The following NADSYN1 variants were observed in gnomAD, a reference collection of about 807,000 sequenced individuals.
NADSYN1 encodes glutamine-dependent NAD(+) synthetase.
NADSYN1 carries 80 observed loss-of-function variants against 99.3 expected under a neutral mutation model. The observed-to-expected ratio is 0.81, with a 90% CI of 0.67 to 0.97. NADSYN1 has a LOEUF of 0.97. Ranked by LOEUF, NADSYN1 falls within the 50% of genes least tolerant of loss-of-function variation. The pLI, the probability that NADSYN1 is intolerant of heterozygous loss-of-function variation, is 0.00. For missense variants in NADSYN1, 859 were observed against 948.5 expected (o/e 0.91, Z 1.24); for synonymous variants, 385 against 372.1 (o/e 1.03, Z -0.40).
At chr11:71,471,362 C>G (rs903824275) in intron 5 of NADSYN1, among the ~76,000 whole-genome samples, 3 of 152,222 alleles carry the variant, frequency 2.0e-5, no homozygotes, top group Non-Finnish European at 4.4e-5. Flanking sequence ...GTAAAGAGTA[C>G]TTGGCAGGCT....
intron 16 of NADSYN1, among the ~76,000 whole-genome samples, chr11:71,489,061 A>T (rs898094935): frequency 5.3e-5 from 8 of 151,278 alleles, no homozygotes; most frequent in African/African-American, 9.7e-5. Flanking sequence ...CAGAGAGAGC[A>T]GGAGGGGAGG....
At chr11:71,481,329 G>C (rs201031698) in intron 11 of NADSYN1, 27 bp from the exon 12 acceptor site, 1 of 1,612,958 alleles carries the variant, frequency 6.2e-7, no homozygotes, top group Non-Finnish European at 8.5e-7. Flanking sequence ...CACCGCCTCC[G>C]GGCTCCATGT....
chr11:71,477,134 C>G, intron 9 of NADSYN1: 1 of 1,127,366 alleles, frequency 8.9e-7, no homozygotes, highest in Non-Finnish European at 1.1e-6. Flanking sequence ...ACCTGCCGAT[C>G]ACCCCCGTCG....
In NADSYN1 at chr11:71,473,566, C is replaced by T. The variant is rs775770760; in HGVS notation, c.549-3C>T. 4.4e-6 allele frequency: 7 copies of T among 1,607,896 alleles called. No individual in the cohort carries two copies. The African/African-American group carries it at 9.4e-5, about 21-fold the overall frequency. On this transcript the variant is annotated splice_region_variant and splice_polypyrimidine_tract_variant and intron_variant, in intron 7 of 20. Coordinates refer to ENST00000319023, the MANE Select transcript of NADSYN1 (RefSeq NM_018161.5). Reference sequence around the variant, plus strand: ...TGTTCTCTTCACCTGCCTCTGCCTGCAGCCCGCACATCGACATGGGCCTGG... The same window carrying T: ...TGTTCTCTTCACCTGCCTCTGCCTGTAGCCCGCACATCGACATGGGCCTGG...
intron 3 of NADSYN1, chr11:71,460,937 T>G (rs990863978): frequency 1.3e-5 from 2 of 152,212 alleles, no homozygotes; most frequent in African/African-American, 4.8e-5. Flanking sequence ...TGGTGAATAG[T>G]TTTTTAAAAA....
chr11:71,460,160 A>C (rs564978011), intron 3 of NADSYN1: 1 of 152,458 alleles, frequency 6.6e-6, no homozygotes, highest in East Asian at 1.9e-4. Context: ...CAGATTGTCC[A>C]GAATCATCTC....
chr11:71,461,543 C>A (rs553762220), intron 3 of NADSYN1, among the ~76,000 whole-genome samples: 29 of 152,330 alleles, frequency 1.9e-4, no homozygotes, highest in African/African-American at 7.0e-4. Context: ...ATTCTCCTGC[C>A]TCAGCCTCCC....
chr11:71,464,936 G>T (rs1464034409), intron 5 of NADSYN1, among the ~76,000 whole-genome samples: 5 of 151,260 alleles, frequency 3.3e-5, no homozygotes, highest in Non-Finnish European at 5.9e-5. Context: ...GAAGTGCTTA[G>T]GTTCCCTGCC....
chr11:71,471,731 C>T (rs1011957578), intron 5 of NADSYN1, among the ~76,000 whole-genome samples: 3 of 152,160 alleles, frequency 2.0e-5, no homozygotes, highest in East Asian at 1.9e-4. Context: ...CCGTTCCCTA[C>T]GTGAATGAGG....
chr11:71,453,511 A>C (rs1949494087), intron 1 of NADSYN1, 130 bp downstream of exon 1: 1 of 800,348 alleles, frequency 1.2e-6, no homozygotes, highest in Admixed American at 2.4e-5. Flanking sequence ...GGATCAGGTG[A>C]GATAATGGGC....
At chr11:71,494,619 C>T (rs1025571601) in intron 18 of NADSYN1, among the ~76,000 whole-genome samples, 5 of 152,146 alleles carry the variant, frequency 3.3e-5, no homozygotes, top group African/African-American at 4.8e-5. Flanking sequence ...GGTGCGATCT[C>T]GGCTCACTGA....
chr11:71,455,366 C>T (rs1049807350), intron 2 of NADSYN1, 196 bp downstream of exon 2: 2 of 503,612 alleles, frequency 4.0e-6, no homozygotes, highest in Non-Finnish European at 3.5e-6. Context: ...TCTAGATTCC[C>T]ATGTTGAGTA....
chr11:71,478,353 A>G lies in NADSYN1; in HGVS notation c.799-42A>G, dbSNP rs1221541024. 3.3e-6 allele frequency: 5 copies of G among 1,518,430 alleles called. No individual in the cohort carries two copies. In the South Asian group the frequency reaches 5.9e-5, roughly 18 times the overall value. The allele number at this position is 1,518,430 out of a possible 1,614,324, so 94.1% of individuals were successfully genotyped here. A position where few individuals can be genotyped will look rare whatever the true frequency, so the allele number is the denominator to read the frequency against. ...GCCAAATTACACGTGGGAGTTGAAC[A>G]AACGGGAAATCACGGGTTCTCTTTG... On this transcript the variant is annotated intron_variant, in intron 9 of 20. Transcript: ENST00000319023.
At chr11:71,492,887 ATT>A (rs140022237) in intron 18 of NADSYN1, among the ~76,000 whole-genome samples, 224 of 142,538 alleles carry the variant, frequency 1.6e-3, no homozygotes, top group African/African-American at 3.3e-3. Context: ...TTGTCTCTAA[ATT>A]TTTTTTTTTT....
intron 9 of NADSYN1, among the ~76,000 whole-genome samples, chr11:71,477,670 C>T (rs916328209): frequency 1.3e-5 from 2 of 152,212 alleles, no homozygotes; most frequent in South Asian, 2.1e-4. Flanking sequence ...CTACCATAGC[C>T]GGGTTCAAAG....
Position 71,482,910 on chromosome 11 carries a change from T to A in NADSYN1, c.1212T>A (p.Asp404Glu). 1 of 1,613,114 alleles carries A rather than the reference T, an allele frequency of 6.2e-7. No homozygotes were observed. Among genetic ancestry groups the A allele is most frequent in the Non-Finnish European group, 8.5e-7 (1 of 1,179,586 alleles). ...ACCAGATCAGCTACACCCCCCAGGA[T>A]CCCCGAGACCTCTGTGGACGCATAC... ...IVNQISYTPQ[D>E]PRDLCGRILT... Residue 404 changes from aspartate to glutamate, a missense_variant, in exon 14 of 21, where the codon GAT becomes GAA. Asp to Glu is a conservative substitution (Grantham distance 45, BLOSUM62 2). Coordinates refer to ENST00000319023, the MANE Select transcript of NADSYN1 (RefSeq NM_018161.5).
At chr11:71,493,388 C>T (rs531581802) in intron 18 of NADSYN1, among the ~76,000 whole-genome samples, 1 of 152,088 alleles carries the variant, frequency 6.6e-6, no homozygotes, top group Admixed American at 6.5e-5. Context: ...ACCATATACC[C>T]TGCACCTTGT....
At chr11:71,473,715 A>C (rs1310815702) in intron 8 of NADSYN1, 29 bp downstream of exon 8, 1 of 1,487,972 alleles carries the variant, frequency 6.7e-7, no homozygotes, top group Non-Finnish European at 9.4e-7. Context: ...AGCGTGCGCC[A>C]CAGGGCAGAC....
rs184781667 is a variant in NADSYN1 at position 71,500,440 on chromosome 11, T to C, written c.2071-862T>C. ...ATGATTTTGGTTATCATGACTGGGC[T>C]GGGGTCTGTGCTCCCAGCATCCCGT... is the stretch of plus-strand genomic sequence containing the variant. On this transcript the variant is annotated intron_variant, in intron 20 of 20. Transcript: ENST00000319023. Among the ~76,000 whole-genome samples the C allele has an allele frequency of 3.7e-3, 561 of 152,280 alleles. 7 individuals carry two copies. The highest frequency in any genetic ancestry group is 0.013 in the African/African-American group (540 of 41,556).
Sources: gnomAD v4.1 joint callset for allele counts (sites outside exome capture counted in the v4.1 genomes callset) on GRCh38, gnomAD v4.1.1 for gene constraint, MANE v1.5 for transcripts, NCBI Gene and HGNC (gene_info 2026-07-23, HGNC 2026-07-21) for gene names.